Variants in NEK7 observed in about 807,000 individuals in gnomAD.
NEK7 encodes the protein serine/threonine-protein kinase Nek7.
NEK7 carries 18 observed loss-of-function variants against 44.6 expected under a neutral mutation model. That is an observed-to-expected ratio of 0.40 (90% confidence interval 0.28 to 0.60). NEK7 has a LOEUF of 0.60. Ranked by LOEUF, NEK7 falls within the 20% of genes least tolerant of loss-of-function variation. The pLI, the probability that NEK7 is intolerant of heterozygous loss-of-function variation, is 0.38. For synonymous variants in NEK7, 130 were observed against 121.1 expected, an observed-to-expected ratio of 1.07 and a Z score of -0.48; for missense variants, 256 against 366.5, an observed-to-expected ratio of 0.70 and a Z score of 2.46.
chr1:198,284,380 A>G (rs932479696), intron 7 of NEK7, among the ~76,000 whole-genome samples: 3 of 152,208 alleles, frequency 2.0e-5, no homozygotes, highest in African/African-American at 7.2e-5. Flanking sequence ...AGGAGCCTAC[A>G]TATGAAGACA....
intron 9 of NEK7, among the ~76,000 whole-genome samples, chr1:198,300,231 G>A (rs1035173037): frequency 1.2e-4 from 19 of 152,114 alleles, no homozygotes; most frequent in African/African-American, 4.6e-4. Flanking sequence ...AATGAAACTT[G>A]GTATTGTTGG....
chr1:198,169,591 T>A (rs63703761), intron 1 of NEK7, among the ~76,000 whole-genome samples: 1 of 5,922 alleles, frequency 1.7e-4, no homozygotes, highest in Non-Finnish European at 6.9e-4. Flanking sequence ...ACTTACTGGG[T>A]TTTTTTTTTT....
chr1:198,158,053 C>T (rs138822835), intron 1 of NEK7, among the ~76,000 whole-genome samples: 1 of 152,290 alleles, frequency 6.6e-6, no homozygotes, highest in African/African-American at 2.4e-5. Context: ...TAAAGAACTT[C>T]TGTTGCCTCT....
At chr1:198,219,671 ACAT>A (rs1040145418) in intron 1 of NEK7, among the ~76,000 whole-genome samples, 2 of 151,932 alleles carry the variant, frequency 1.3e-5, no homozygotes, top group African/African-American at 2.4e-5. Context: ...ACATTTTAAA[ACAT>A]CATTATTGTA....
At chr1:198,299,250 A>G (rs563609033) in intron 9 of NEK7, among the ~76,000 whole-genome samples, 1 of 152,318 alleles carries the variant, frequency 6.6e-6, no homozygotes, top group African/African-American at 2.4e-5. Context: ...CTGTATAACA[A>G]TGTTACTTTA....
At chr1:198,238,486 CT>C (rs1666599156) in intron 2 of NEK7, among the ~76,000 whole-genome samples, 2 of 152,310 alleles carry the variant, frequency 1.3e-5, no homozygotes, top group South Asian at 4.1e-4. Flanking sequence ...CCCTGACCCA[CT>C]CTCTTGCCAC....
chr1:198,221,412 A>G (rs1299327937), intron 1 of NEK7, among the ~76,000 whole-genome samples: 1 of 151,788 alleles, frequency 6.6e-6, no homozygotes, highest in Non-Finnish European at 1.5e-5. Context: ...TTGGTTTAAC[A>G]TTCTTTAATA....
intron 1 of NEK7, among the ~76,000 whole-genome samples, chr1:198,230,957 T>G (rs1666370470): frequency 6.6e-6 from 1 of 151,974 alleles, no homozygotes; most frequent in Non-Finnish European, 1.5e-5. Context: ...GACCCCATAT[T>G]ATTAAGATGT....
intron 5 of NEK7, among the ~76,000 whole-genome samples, chr1:198,273,462 A>G (rs1293165828): frequency 6.6e-6 from 1 of 151,770 alleles, no homozygotes; most frequent in Non-Finnish European, 1.5e-5. Flanking sequence ...CACACTTAGA[A>G]CTGTCCATTA....
intron 9 of NEK7, among the ~76,000 whole-genome samples, chr1:198,317,877 A>ATTTTTGTTTTTTTT (rs537862004): frequency 1.1e-4 from 8 of 70,268 alleles, no homozygotes; most frequent in Non-Finnish European, 1.5e-4. Flanking sequence ...GGATATATTT[A>ATTTTTGTTTTTTTT]TTTTTTTTTT....
At chr1:198,213,996 A>C (rs1307871772) in intron 1 of NEK7, among the ~76,000 whole-genome samples, 1 of 152,132 alleles carries the variant, frequency 6.6e-6, no homozygotes, top group African/African-American at 2.4e-5. Context: ...GCCCCACAGG[A>C]GTCAGTGAAT....
chr1:198,202,697 C>T (rs1205090968), intron 1 of NEK7, among the ~76,000 whole-genome samples: 1 of 152,170 alleles, frequency 6.6e-6, no homozygotes, highest in South Asian at 2.1e-4. Flanking sequence ...GAGAGCCAAG[C>T]GAAAAGGGAA....
intron 1 of NEK7, among the ~76,000 whole-genome samples, chr1:198,218,870 C>G (rs1391092515): frequency 6.6e-6 from 1 of 151,998 alleles, no homozygotes; most frequent in Non-Finnish European, 1.5e-5. Context: ...CCACCTTACC[C>G]CAGCCAGAAT....
At chr1:198,219,261 G>A (rs1666016754) in intron 1 of NEK7, among the ~76,000 whole-genome samples, 1 of 149,410 alleles carries the variant, frequency 6.7e-6, no homozygotes, top group South Asian at 2.1e-4. Flanking sequence ...ACATAAAAAT[G>A]TTTATAATTT....
intron 5 of NEK7, among the ~76,000 whole-genome samples, chr1:198,266,864 C>T (rs1393179539): frequency 6.6e-6 from 1 of 152,042 alleles, no homozygotes; most frequent in Admixed American, 6.6e-5. Flanking sequence ...GATCACTACT[C>T]TTCTTCTAGC....
intron 9 of NEK7, among the ~76,000 whole-genome samples, chr1:198,312,965 T>C (rs977653192): frequency 7.2e-5 from 11 of 152,228 alleles, no homozygotes; most frequent in Admixed American, 2.0e-4. Flanking sequence ...CCGCTTGGTG[T>C]AGAGCTGAGT....
At chr1:198,297,275 T>C in intron 9 of NEK7, 35 bp downstream of exon 9, 1 of 1,607,260 alleles carries the variant, frequency 6.2e-7, no homozygotes, top group Middle Eastern at 1.7e-4. Flanking sequence ...TCTTCTGTTG[T>C]CCATTTTGCT....
chr1:198,208,935 G>T (rs1665679939), intron 1 of NEK7, among the ~76,000 whole-genome samples: 1 of 151,774 alleles, frequency 6.6e-6, no homozygotes, highest in Admixed American at 6.6e-5. Context: ...TTAGATGTTG[G>T]GTTCGCTTTT....
At chr1:198,247,349 A>G (rs1666861285) in intron 2 of NEK7, among the ~76,000 whole-genome samples, 1 of 152,190 alleles carries the variant, frequency 6.6e-6, no homozygotes, top group Non-Finnish European at 1.5e-5. Flanking sequence ...TGGGTCATAC[A>G]TAAGGTGACT....
Sources: gnomAD v4.1 joint callset for allele counts (sites outside exome capture counted in the v4.1 genomes callset) on GRCh38, gnomAD v4.1.1 for gene constraint, MANE v1.5 for transcripts, NCBI Gene and HGNC (gene_info 2026-07-23, HGNC 2026-07-21) for gene names.